The following EPHA3 variants were observed in gnomAD, a reference collection of about 807,000 sequenced individuals.
The protein encoded by EPHA3 is ephrin type-A receptor 3.
A neutral mutation model predicts 107.1 loss-of-function variants in EPHA3; 42 were observed. The ratio of observed to expected loss-of-function variants is 0.39; its 90% CI spans 0.31 to 0.51. The LOEUF (loss-of-function observed/expected upper bound fraction) is 0.51, where lower values mean the gene tolerates loss of function less well. EPHA3 is among the 20% of genes least tolerant of loss of function. EPHA3 has a pLI of 0.78. For synonymous variants in EPHA3, 461 were observed against 424.8 expected (o/e 1.09, Z -1.05); for missense variants, 1,183 against 1,211.2 (o/e 0.98, Z 0.35).
chr3:89,379,409 C>T (rs1318880218), intron 5 of EPHA3, among the ~76,000 whole-genome samples: 1 of 152,170 alleles, frequency 6.6e-6, no homozygotes, highest in African/African-American at 2.4e-5. Flanking sequence ...ATATTCCCCA[C>T]CTGCACCCTT....
intron 13 of EPHA3, among the ~76,000 whole-genome samples, chr3:89,444,382 T>C (rs1316948804): frequency 0.048 from 5 of 104 alleles, no homozygotes; most frequent in Non-Finnish European, 0.036. Flanking sequence ...GTAGTTTGAT[T>C]TTTTTTTTTA....
chr3:89,241,567 C>T (rs1704896599), intron 3 of EPHA3, among the ~76,000 whole-genome samples: 1 of 152,062 alleles, frequency 6.6e-6, no homozygotes, highest in Admixed American at 6.5e-5. Flanking sequence ...TTATTGGGCT[C>T]TTTGTGACAG....
intron 2 of EPHA3, among the ~76,000 whole-genome samples, chr3:89,128,508 G>T (rs548209875): frequency 6.6e-5 from 10 of 152,096 alleles, no homozygotes; most frequent in African/African-American, 2.4e-4. Flanking sequence ...TCATCTAAAA[G>T]TCAAACCTCA....
intron 1 of EPHA3, among the ~76,000 whole-genome samples, chr3:89,122,636 C>T (rs1707415832): frequency 6.6e-6 from 1 of 152,134 alleles, no homozygotes; most frequent in Non-Finnish European, 1.5e-5. Flanking sequence ...ATTAGTTTCA[C>T]TCTCAGTCTT....
intron 3 of EPHA3, among the ~76,000 whole-genome samples, chr3:89,230,201 G>T (rs1158648252): frequency 2.0e-5 from 3 of 151,956 alleles, no homozygotes; most frequent in Admixed American, 2.0e-4. Context: ...TAGAAGGAAG[G>T]GACTATGGAG....
chr3:89,113,064 G>T (rs568124460), intron 1 of EPHA3, among the ~76,000 whole-genome samples: 3 of 152,112 alleles, frequency 2.0e-5, no homozygotes, highest in African/African-American at 7.2e-5. Context: ...GGTCAATAAA[G>T]GGCTTTTACC....
At chr3:89,272,036 T>A (rs114760687) in intron 3 of EPHA3, among the ~76,000 whole-genome samples, 3,050 of 152,138 alleles carry the variant, frequency 0.02, 50 homozygotes, top group Non-Finnish European at 0.034. Flanking sequence ...TAACTTTGTC[T>A]TTTCTCTAGT....
chr3:89,218,331 C>T (rs1387316365), intron 3 of EPHA3, among the ~76,000 whole-genome samples: 1 of 138,674 alleles, frequency 7.2e-6, no homozygotes, highest in South Asian at 2.6e-4. Context: ...TGATGTTCCC[C>T]TTCCTGTGTC....
intron 3 of EPHA3, among the ~76,000 whole-genome samples, chr3:89,336,562 T>C (rs1707396887): frequency 6.6e-6 from 1 of 152,208 alleles, no homozygotes; most frequent in Admixed American, 6.5e-5. Context: ...CATTCTCCAC[T>C]CATATTCTCA....
At chr3:89,472,404 G>A in intron 15 of EPHA3, 60 bp from the exon 16 acceptor site, 1 of 1,543,592 alleles carries the variant, frequency 6.5e-7, no homozygotes. Context: ...GTCAAATTTT[G>A]ACACACAGCA....
intron 3 of EPHA3, among the ~76,000 whole-genome samples, chr3:89,224,867 A>G (rs1576245020): frequency 6.6e-6 from 1 of 151,780 alleles, no homozygotes; most frequent in South Asian, 2.1e-4. Flanking sequence ...AATAATAATA[A>G]TGATAATAAA....
chr3:89,345,564 G>T (rs1707626910), intron 5 of EPHA3, among the ~76,000 whole-genome samples: 1 of 148,500 alleles, frequency 6.7e-6, no homozygotes, highest in Admixed American at 6.7e-5. Context: ...ACCACTTGCA[G>T]ATATTATGAC....
intron 3 of EPHA3, among the ~76,000 whole-genome samples, chr3:89,223,380 T>G: frequency 6.6e-6 from 1 of 152,182 alleles, no homozygotes; most frequent in East Asian, 1.9e-4. Flanking sequence ...TGCATTGGCT[T>G]GCTTTTTATT....
chr3:89,169,940 A>T (rs2107093761), intron 2 of EPHA3, among the ~76,000 whole-genome samples: 1 of 152,292 alleles, frequency 6.6e-6, no homozygotes, highest in African/African-American at 2.4e-5. Flanking sequence ...GAAAGTCAAC[A>T]AACTCTAATA....
At chr3:89,292,909 C>A (rs73846132) in intron 3 of EPHA3, among the ~76,000 whole-genome samples, 1 of 152,118 alleles carries the variant, frequency 6.6e-6, no homozygotes, top group Non-Finnish European at 1.5e-5. Context: ...ACACTTCTAA[C>A]AAAATGTCGA....
intron 3 of EPHA3, among the ~76,000 whole-genome samples, chr3:89,234,527 C>T (rs1196399285): frequency 6.6e-6 from 1 of 152,122 alleles, no homozygotes; most frequent in Non-Finnish European, 1.5e-5. Flanking sequence ...TCCACATGGA[C>T]CAATCAAATG....
At chr3:89,251,378 G>A (rs1040266873) in intron 3 of EPHA3, among the ~76,000 whole-genome samples, 1 of 151,964 alleles carries the variant, frequency 6.6e-6, no homozygotes, top group African/African-American at 2.4e-5. Flanking sequence ...TATAGAAAGT[G>A]ATAAATGTAT....
At chr3:89,196,721 A>G (rs555637269) in intron 2 of EPHA3, among the ~76,000 whole-genome samples, 1 of 152,206 alleles carries the variant, frequency 6.6e-6, no homozygotes, top group East Asian at 1.9e-4. Flanking sequence ...TCAAAATTCT[A>G]CTTATGTTTA....
chr3:89,250,806 A>T (rs1403880440), intron 3 of EPHA3, among the ~76,000 whole-genome samples: 1 of 152,180 alleles, frequency 6.6e-6, no homozygotes, highest in African/African-American at 2.4e-5. Context: ...TTTATGTCTA[A>T]TAGCATTTAC....
Sources: allele counts gnomAD v4.1 joint callset (sites outside exome capture counted in the v4.1 genomes callset), GRCh38; gene constraint gnomAD v4.1.1; transcripts MANE v1.5; gene names NCBI Gene and HGNC (gene_info 2026-07-23, HGNC 2026-07-21).